The following CHFR variants were observed in gnomAD, a reference collection of about 807,000 sequenced individuals.
CHFR encodes the protein checkpoint with forkhead and ring finger domains, also known as E3 ubiquitin-protein ligase CHFR.
CHFR carries 57 observed loss-of-function variants against 87.6 expected under a neutral mutation model. That is an observed-to-expected ratio of 0.65 (90% CI 0.53 to 0.81). The LOEUF (loss-of-function observed/expected upper bound fraction) is 0.81, where lower values mean the gene tolerates loss of function less well. Ranked by LOEUF, CHFR falls within the 30% of genes least tolerant of loss-of-function variation. The pLI, the probability that CHFR is intolerant of heterozygous loss-of-function variation, is 0.00. For synonymous variants in CHFR, 381 were observed against 359.2 expected, an observed-to-expected ratio of 1.06 and a Z score of -0.69; for missense variants, 797 against 865.8, an observed-to-expected ratio of 0.92 and a Z score of 1.00.
intron 2 of CHFR, among the ~76,000 whole-genome samples, chr12:132,882,685 G>A (rs891372129): frequency 3.4e-5 from 5 of 148,998 alleles, no homozygotes; most frequent in South Asian, 2.2e-4. Flanking sequence ...TAACAGAGGC[G>A]TCTCCATGCC....
At chr12:132,850,948 T>A (rs1950926366) in intron 12 of CHFR, among the ~76,000 whole-genome samples, 1 of 144,592 alleles carries the variant, frequency 6.9e-6, no homozygotes. Flanking sequence ...TTTTTAATAA[T>A]AACTGTATGT....
chr12:132,874,173 AT>A (rs1431939840), intron 3 of CHFR, among the ~76,000 whole-genome samples: 1 of 152,250 alleles, frequency 6.6e-6, no homozygotes, highest in Non-Finnish European at 1.5e-5. Flanking sequence ...CTCCATAACT[AT>A]AGTAAGACAG....
intron 2 of CHFR, 149 bp downstream of exon 2, chr12:132,887,047 G>A: frequency 1.6e-6 from 1 of 623,794 alleles, no homozygotes; most frequent in East Asian, 3.5e-5. Context: ...GAATCGGTGG[G>A]CAGAACACCG....
intron 3 of CHFR, among the ~76,000 whole-genome samples, chr12:132,875,891 C>T (rs1166918666): frequency 6.6e-6 from 1 of 152,078 alleles, no homozygotes; most frequent in African/African-American, 2.4e-5. Flanking sequence ...GTGAAAAAAG[C>T]TGGCCGGGCG....
At position 132,853,497 on chromosome 12, in the gene CHFR, C is replaced by T. The variant is rs753721064; in HGVS notation, c.1306G>A (p.Glu436Lys). Residue 436 changes from glutamate to lysine, a missense_variant, in exon 11 of 18, where the codon GAG (glutamate) becomes AAG (lysine). Glu to Lys is a moderately conservative substitution (Grantham distance 56, BLOSUM62 1). Coordinates refer to ENST00000450056, the MANE Select transcript of CHFR (RefSeq NM_001161346.2). ...GCCTGTGGGGCTCCTGGCTCGCCCTCGGGTGCTGGGCAGTGGGGAGGCTGC... is the reference window on the plus strand; with the variant it reads ...GCCTGTGGGGCTCCTGGCTCGCCCTTGGGTGCTGGGCAGTGGGGAGGCTGC... ...AAQPPHCPAP[E>K]GEPGAPQALG... 43 of 1,534,892 alleles carry T rather than the reference C, an allele frequency of 2.8e-5. No homozygotes were observed. The highest frequency in any genetic ancestry group is 7.0e-5 in the African/African-American group (5 of 71,386).
intron 14 of CHFR, chr12:132,847,667 T>C (rs1398845890): frequency 1.8e-6 from 2 of 1,095,200 alleles, no homozygotes; most frequent in South Asian, 2.6e-5. Flanking sequence ...GTTAAACATA[T>C]GTAAATCCTA....
Position 132,840,883 on chromosome 12 carries a change from G to A in CHFR, c.*671C>T, listed in dbSNP as rs115799873. On this transcript the variant is annotated 3_prime_UTR_variant, in exon 18 of 18. Transcript: ENST00000450056. Reference sequence around the variant, plus strand: ...AAGGAGCGACTAACTTGGCGGCCACGTCGAGGGTTAGCAGTTTTGGACATT... The same window carrying A: ...AAGGAGCGACTAACTTGGCGGCCACATCGAGGGTTAGCAGTTTTGGACATT... 3.7e-3 allele frequency: 563 copies of A among 152,472 alleles called. 4 individuals carry two copies. Among genetic ancestry groups the A allele is most frequent in the African/African-American group, 0.012 (489 of 41,578 alleles). 9.4% of individuals were successfully genotyped at this position (152,472 alleles called of 1,614,324 possible).
intron 6 of CHFR, chr12:132,862,418 C>T: frequency 2.2e-6 from 1 of 450,600 alleles, no homozygotes; most frequent in African/African-American, 2.0e-5. Flanking sequence ...CACAGCAAGG[C>T]ACCATCTCTA....
At chr12:132,860,755 G>T (rs1306148507) in intron 7 of CHFR, among the ~76,000 whole-genome samples, 3 of 152,132 alleles carry the variant, frequency 2.0e-5, no homozygotes, top group African/African-American at 4.8e-5. Context: ...CTTTCTTTTT[G>T]ATTTTCTTTT....
chr12:132,847,821 G>C (rs1169703412), intron 14 of CHFR: 1 of 1,318,944 alleles, frequency 7.6e-7, no homozygotes, highest in Non-Finnish European at 9.7e-7. Context: ...CCGGGAACAA[G>C]AGCTGCGGGA....
At chr12:132,873,568 C>T (rs944976602) in intron 3 of CHFR, among the ~76,000 whole-genome samples, 3 of 151,290 alleles carry the variant, frequency 2.0e-5, no homozygotes, top group Non-Finnish European at 4.4e-5. Flanking sequence ...GGAGTGCACA[C>T]GGACTTGGGT....
At chr12:132,859,563 G>A (rs2136975635) in intron 7 of CHFR, among the ~76,000 whole-genome samples, 1 of 152,234 alleles carries the variant, frequency 6.6e-6, no homozygotes, top group Non-Finnish European at 1.5e-5. Context: ...TGTTAGCCAG[G>A]ATGGTCTCAA....
intron 2 of CHFR, among the ~76,000 whole-genome samples, chr12:132,878,438 C>A (rs746590937): frequency 6.6e-6 from 1 of 151,374 alleles, no homozygotes; most frequent in African/African-American, 2.4e-5. Context: ...CACTGCACTC[C>A]AGCCTTGGCG....
At chr12:132,867,775 C>T (rs558346825) in intron 6 of CHFR, 12 of 152,044 alleles carry the variant, frequency 7.9e-5, no homozygotes, top group South Asian at 2.1e-4. Context: ...CCAGACGACA[C>T]GAAGAAAGCC....
chr12:132,843,469 T>G (rs1950744271), intron 16 of CHFR, among the ~76,000 whole-genome samples: 1 of 151,974 alleles, frequency 6.6e-6, no homozygotes, highest in African/African-American at 2.4e-5. Flanking sequence ...AAAACCCAAT[T>G]GAGGAAATAA....
rs1950695100 is a variant in CHFR, at chr12:132,840,950, CT to C, written c.*603del. The C allele has an allele frequency of 1.3e-5, 2 of 152,542 alleles. No individual in the cohort carries two copies. The highest frequency in any genetic ancestry group is 1.3e-4 in the Admixed American group (2 of 15,278). 9.4% of individuals were successfully genotyped at this position (152,542 alleles called of 1,614,324 possible). Reference sequence around the variant, plus strand: ...TAATAAACAGAAGCATATGCTTATTCTTTCAAATACCATACTATACCCAATT... The same window carrying C: ...TAATAAACAGAAGCATATGCTTATTCTTCAAATACCATACTATACCCAATT... On this transcript the variant is annotated 3_prime_UTR_variant, in exon 18 of 18. Coordinates refer to ENST00000450056, the MANE Select transcript of CHFR (RefSeq NM_001161346.2).
At chr12:132,880,820 C>T (rs1476664611) in intron 2 of CHFR, among the ~76,000 whole-genome samples, 2 of 151,296 alleles carry the variant, frequency 1.3e-5, no homozygotes, top group African/African-American at 4.9e-5. Flanking sequence ...CAAAACTTAG[C>T]CAGGCATGGT....
intron 10 of CHFR, chr12:132,853,843 C>T (rs1021274415): frequency 3.2e-5 from 15 of 468,294 alleles, no homozygotes; most frequent in African/African-American, 6.2e-5. Context: ...TCCCCACTGA[C>T]GTGTGCTCCC....
Position 132,835,812 on chromosome 12 carries a change from AC to A in CHFR, c.*5741del. 3.0e-6 allele frequency: 1 copy of A among 335,496 alleles called. No homozygotes were observed. The highest frequency in any genetic ancestry group is 5.7e-6 in the Non-Finnish European group (1 of 174,430). 20.8% of individuals were successfully genotyped at this position (335,496 alleles called of 1,614,324 possible). Reference sequence around the variant, plus strand: ...CAAATGCATGCTCCCAGCACAGCGCACGGCCCTCACAGTGCCAGGCTCCCAG... The same window carrying A: ...CAAATGCATGCTCCCAGCACAGCGCAGGCCCTCACAGTGCCAGGCTCCCAG... On this transcript the variant is annotated 3_prime_UTR_variant, in exon 18 of 18. Transcript: ENST00000450056.
Sources: allele counts gnomAD v4.1 joint callset (sites outside exome capture counted in the v4.1 genomes callset), GRCh38; gene constraint gnomAD v4.1.1; transcripts MANE v1.5; gene names NCBI Gene and HGNC (gene_info 2026-07-23, HGNC 2026-07-21).